The following TTC7A variants were observed in gnomAD, a reference collection of about 807,000 sequenced individuals.
The protein encoded by TTC7A is tetratricopeptide repeat protein 7A.
A neutral mutation model predicts 103.7 loss-of-function variants in TTC7A; 110 were observed. The ratio of observed to expected loss-of-function variants is 1.06; its 90% CI spans 0.91 to 1.24. TTC7A has a LOEUF of 1.24. TTC7A is among the 50% of genes most tolerant of loss of function. TTC7A has a pLI of 0.00. For synonymous variants in TTC7A, 521 were observed against 467.9 expected, an observed-to-expected ratio of 1.11 and a Z score of -1.47; for missense variants, 1,340 against 1,116.3, an observed-to-expected ratio of 1.20 and a Z score of -2.86.
rs368266789 is a variant in TTC7A, at chr2:47,024,280, C to T, written c.1569-7C>T. On this transcript the variant is annotated splice_region_variant and splice_polypyrimidine_tract_variant and intron_variant, in intron 13 of 19. Transcript: ENST00000319190. Reference sequence around the variant, plus strand: ...TGCCTGACTTGTCACTCCCTCTCCCCACACAGGGCTCAGCAGCTGGCGCCC... The same window carrying T: ...TGCCTGACTTGTCACTCCCTCTCCCTACACAGGGCTCAGCAGCTGGCGCCC... 2.5e-6 allele frequency: 4 copies of T among 1,593,306 alleles called. No individual in the cohort carries two copies. Among genetic ancestry groups the T allele is most frequent in the Non-Finnish European group, 2.6e-6 (3 of 1,169,356 alleles).
At chr2:47,073,042 C>A (rs1158949015) in intron 19 of TTC7A, among the ~76,000 whole-genome samples, 1 of 152,148 alleles carries the variant, frequency 6.6e-6, no homozygotes, top group Non-Finnish European at 1.5e-5. Context: ...TTCAGCCAAT[C>A]CAGCCCGTTC....
Position 47,074,373 on chromosome 2 carries a change from C to T in TTC7A, c.*450C>T, listed in dbSNP as rs1685050359. On this transcript the variant is annotated 3_prime_UTR_variant, in exon 20 of 20. Coordinates refer to ENST00000319190, the MANE Select transcript of TTC7A (RefSeq NM_020458.4). ...GGCAAGTGGGAAGACTATGAGATTT[C>T]TGGGTTCCCTTCTCAGACTTGGAGT... 1 of 161,864 alleles carries T rather than the reference C, an allele frequency of 6.2e-6. No individual in the cohort carries two copies. Among genetic ancestry groups the T allele is most frequent in the Non-Finnish European group, 1.4e-5 (1 of 73,936 alleles). The allele number at this position is 161,864 out of a possible 1,614,324, so 10.0% of individuals were successfully genotyped here. A position where few individuals can be genotyped will look rare whatever the true frequency, so the allele number is the denominator to read the frequency against.
At chr2:47,024,557 G>T (rs1679674279) in intron 14 of TTC7A, among the ~76,000 whole-genome samples, 198 bp downstream of exon 14, 2 of 152,064 alleles carry the variant, frequency 1.3e-5, no homozygotes, top group Admixed American at 1.3e-4. Flanking sequence ...GTAAAGCCGT[G>T]GTGGGTACAC....
chr2:47,044,147 G>T (rs975657751), intron 15 of TTC7A, among the ~76,000 whole-genome samples: 2 of 152,058 alleles, frequency 1.3e-5, no homozygotes, highest in Non-Finnish European at 1.5e-5. Context: ...CCTCCACACC[G>T]GAGCCTCTTC....
At chr2:47,014,280 G>A (rs1354554810) in intron 11 of TTC7A, among the ~76,000 whole-genome samples, 4 of 152,098 alleles carry the variant, frequency 2.6e-5, no homozygotes, top group African/African-American at 4.8e-5. Flanking sequence ...CTGACGAAGC[G>A]ACACACATCC....
chr2:46,946,153 G>T (rs1670920430), intron 1 of TTC7A, among the ~76,000 whole-genome samples: 1 of 152,208 alleles, frequency 6.6e-6, no homozygotes, highest in East Asian at 1.9e-4. Context: ...TTGGGAGACT[G>T]GGTGGCCAGT....
At chr2:46,994,290 C>A in intron 6 of TTC7A, 67 bp from the exon 7 acceptor site, 1 of 1,532,638 alleles carries the variant, frequency 6.5e-7, no homozygotes, top group South Asian at 1.2e-5. Flanking sequence ...GGGCAGAGGG[C>A]GTTCTAGGTC....
chr2:47,021,466 G>A (rs1376275746), intron 11 of TTC7A, among the ~76,000 whole-genome samples: 2 of 152,254 alleles, frequency 1.3e-5, no homozygotes, highest in African/African-American at 2.4e-5. Flanking sequence ...GAGGGAGCGA[G>A]CTCATGGACG....
intron 8 of TTC7A, chr2:46,999,657 C>T (rs543450981): frequency 2.8e-5 from 28 of 985,434 alleles, no homozygotes; most frequent in East Asian, 1.1e-4. Flanking sequence ...GAACCTCAAA[C>T]GTAAATTCTT....
intron 19 of TTC7A, among the ~76,000 whole-genome samples, chr2:47,063,564 C>T (rs1332268439): frequency 6.6e-6 from 1 of 152,220 alleles, no homozygotes; most frequent in African/African-American, 2.4e-5. Flanking sequence ...TCATCTGAGC[C>T]TTTGTGAACT....
At chr2:47,038,689 G>A (rs1681426274) in intron 15 of TTC7A, among the ~76,000 whole-genome samples, 1 of 115,002 alleles carries the variant, frequency 8.7e-6, no homozygotes, top group South Asian at 3.0e-4. Context: ...GAATGGCCAG[G>A]AGCCAGAGGG....
intron 14 of TTC7A, among the ~76,000 whole-genome samples, chr2:47,025,405 G>A (rs1027756133): frequency 1.3e-5 from 2 of 152,176 alleles, no homozygotes; most frequent in South Asian, 4.1e-4. Context: ...TGGAGTTGGG[G>A]CCCTGAGAGC....
At chr2:47,073,552 C>T in intron 19 of TTC7A, 150 bp from the exon 20 acceptor site, 1 of 674,822 alleles carries the variant, frequency 1.5e-6, no homozygotes, top group Non-Finnish European at 2.6e-6. Flanking sequence ...TGGGGAAAGG[C>T]ACAGTCACTT....
intron 2 of TTC7A, among the ~76,000 whole-genome samples, chr2:46,933,694 A>G (rs1292247330): frequency 6.6e-6 from 1 of 152,244 alleles, no homozygotes; most frequent in Non-Finnish European, 1.5e-5. Flanking sequence ...ATGACTACAT[A>G]AAGTTGGGAA....
intron 1 of TTC7A, among the ~76,000 whole-genome samples, chr2:46,949,378 G>A (rs1189515580): frequency 6.6e-6 from 1 of 152,130 alleles, no homozygotes; most frequent in African/African-American, 2.4e-5. Flanking sequence ...GATTACAGGT[G>A]CCCATCATCA....
In TTC7A at chr2:47,074,049, TCTGCAG is replaced by T. The variant is rs1685015178; in HGVS notation, c.*134_*139del. On this transcript the variant is annotated 3_prime_UTR_variant, in exon 20 of 20. Transcript: ENST00000319190. ...GGGAAATACATCTTTAGTGAACGCC[TCTGCAG>T]CTGCAGCCCTCGTTCTCTTGGCTGG... The T allele has an allele frequency of 5.8e-6, 4 of 694,082 alleles. No individual in the cohort carries two copies. Among genetic ancestry groups the T allele is most frequent in the Non-Finnish European group, 9.5e-6 (4 of 419,134 alleles). The allele number at this position is 694,082 out of a possible 1,614,324, so 43.0% of individuals were successfully genotyped here. A position where few individuals can be genotyped will look rare whatever the true frequency, so the allele number is the denominator to read the frequency against.
chr2:47,008,802 G>C (rs1677703628), intron 10 of TTC7A, among the ~76,000 whole-genome samples: 1 of 152,018 alleles, frequency 6.6e-6, no homozygotes, highest in African/African-American at 2.4e-5. Context: ...AGTTGAACCT[G>C]CAGGAATAAT....
intron 15 of TTC7A, among the ~76,000 whole-genome samples, chr2:47,038,629 T>TC (rs1558612925): frequency 1.1e-5 from 1 of 86,986 alleles, no homozygotes; most frequent in Non-Finnish European, 2.3e-5. Flanking sequence ...TGCTGCCACT[T>TC]CCCACCCACC....
chr2:46,927,861 A>T (rs970641697), intron 2 of TTC7A, among the ~76,000 whole-genome samples: 1 of 142,762 alleles, frequency 7.0e-6, no homozygotes, highest in African/African-American at 2.6e-5. Flanking sequence ...CAGCAGAAAC[A>T]CTAATATTGG....
Sources: gnomAD v4.1 joint callset for allele counts (sites outside exome capture counted in the v4.1 genomes callset) on GRCh38, gnomAD v4.1.1 for gene constraint, MANE v1.5 for transcripts, NCBI Gene and HGNC (gene_info 2026-07-23, HGNC 2026-07-21) for gene names.